The following HHIPL1 variants were observed in gnomAD, a reference collection of about 807,000 sequenced individuals.
The protein encoded by HHIPL1 is HHIP like 1, also known as HHIP-like protein 1.
HHIPL1 carries 43 observed loss-of-function variants against 61.8 expected under a neutral mutation model. That is an observed-to-expected ratio of 0.70 (90% confidence interval 0.55 to 0.90). The LOEUF (loss-of-function observed/expected upper bound fraction) is 0.90, where lower values mean the gene tolerates loss of function less well. Ranked by LOEUF, HHIPL1 falls within the 40% of genes least tolerant of loss-of-function variation. The pLI is 0.00. For synonymous variants in HHIPL1, 482 were observed against 515.8 expected, an observed-to-expected ratio of 0.93 and a Z score of 0.89; for missense variants, 1,056 against 1,157.7, an observed-to-expected ratio of 0.91 and a Z score of 1.28.
At chr14:99,666,573 T>G (rs1017942297) in intron 6 of HHIPL1, among the ~76,000 whole-genome samples, 2 of 152,206 alleles carry the variant, frequency 1.3e-5, no homozygotes, top group Non-Finnish European at 2.9e-5. Flanking sequence ...AGTGGGGCCT[T>G]AAGGTCGGTT....
At chr14:99,615,889 G>A in the HHIPL1 span, among the ~76,000 whole-genome samples, 1 of 152,172 alleles carries the variant, frequency 6.6e-6, no homozygotes, top group Non-Finnish European at 1.5e-5. Flanking sequence ...GCTGTTTGGA[G>A]AGGAATATTA....
chr14:99,616,444 T>C, the HHIPL1 span, among the ~76,000 whole-genome samples: 1 of 152,198 alleles, frequency 6.6e-6, no homozygotes, highest in East Asian at 1.9e-4. Context: ...GGGAGGGGAT[T>C]GGCCTGTGTG....
rs2056333094 is a variant in HHIPL1, at chr14:99,672,234, A to T, written c.1731-83A>T. The stretch of plus-strand genomic sequence containing the variant: ...CCGCCTGTTACTATCGTTGCTGTTC[A>T]TACCTGCCTCACTGTAGAGAAAAGG... On this transcript the variant is annotated intron_variant, in intron 7 of 8. Transcript: ENST00000330710. 49 of 1,061,908 alleles carry T rather than the reference A, an allele frequency of 4.6e-5. No homozygotes were observed. In the South Asian group the frequency reaches 4.8e-4, roughly 10 times the overall value. The allele number at this position is 1,061,908 out of a possible 1,614,324, so 65.8% of individuals were successfully genotyped here. A position where few individuals can be genotyped will look rare whatever the true frequency, so the allele number is the denominator to read the frequency against.
chr14:99,665,516 C>T (rs943835827), intron 6 of HHIPL1, among the ~76,000 whole-genome samples: 14 of 152,364 alleles, frequency 9.2e-5, no homozygotes, highest in Admixed American at 3.9e-4. Context: ...TCATGGCTTA[C>T]TGCAGCCTCC....
chr14:99,657,241 T>C (rs2140069581), intron 3 of HHIPL1, 98 bp downstream of exon 3: 3 of 1,392,184 alleles, frequency 2.2e-6, no homozygotes, highest in Non-Finnish European at 2.0e-6. Context: ...CCAGGCATTG[T>C]AGGGCAGGAG....
upstream of HHIPL1, among the ~76,000 whole-genome samples, chr14:99,640,468 C>G (rs1187782667): frequency 6.6e-6 from 1 of 151,744 alleles, no homozygotes; most frequent in Non-Finnish European, 1.5e-5. Context: ...TATTTTTTGT[C>G]GAGACAGGGC....
chr14:99,632,071 C>T, the HHIPL1 span, among the ~76,000 whole-genome samples: 1 of 152,164 alleles, frequency 6.6e-6, no homozygotes, highest in Non-Finnish European at 1.5e-5. Flanking sequence ...TAGCATCTGG[C>T]CCATCTACCA....
At chr14:99,623,037 G>C in the HHIPL1 span, among the ~76,000 whole-genome samples, 6 of 152,256 alleles carry the variant, frequency 3.9e-5, no homozygotes, top group Non-Finnish European at 7.3e-5. Context: ...TGACTGGGGA[G>C]CTGGGAAGGT....
chr14:99,620,133 A>G, the HHIPL1 span, among the ~76,000 whole-genome samples: 590 of 152,248 alleles, frequency 3.9e-3, 3 homozygotes, highest in African/African-American at 0.013. Context: ...ACTCAATGCC[A>G]TCTTTCTTGG....
chr14:99,660,407 G>T lies in HHIPL1; in HGVS notation c.1502+1G>T. On this transcript the variant is annotated splice_donor_variant, in intron 5 of 8. Coordinates refer to ENST00000330710, the MANE Select transcript of HHIPL1 (RefSeq NM_001127258.3). LOFTEE classifies it high-confidence loss of function. This position sits in a 1 kb window ranked among gnomAD's most constrained non-coding sequence, Gnocchi z 4.9. Reference sequence around the variant, plus strand: ...ACATTTTTGGGGATTTCATGAGCGGGTAAGTGACCTAGTGCCCTCGCGCCC... The same window carrying T: ...ACATTTTTGGGGATTTCATGAGCGGTTAAGTGACCTAGTGCCCTCGCGCCC... The T allele has an allele frequency of 6.2e-7, 1 of 1,612,310 alleles. No homozygotes were observed. Among genetic ancestry groups the T allele is most frequent in the Non-Finnish European group, 8.5e-7 (1 of 1,178,770 alleles).
At chr14:99,650,547 G>T (rs576824407) in intron 1 of HHIPL1, among the ~76,000 whole-genome samples, 1 of 152,362 alleles carries the variant, frequency 6.6e-6, no homozygotes, top group African/African-American at 2.4e-5. Flanking sequence ...TGGCGTTGGG[G>T]ATGGGTAGTT....
chr14:99,645,854 C>T (rs985580526), intron 1 of HHIPL1, among the ~76,000 whole-genome samples: 4 of 152,188 alleles, frequency 2.6e-5, no homozygotes, highest in Non-Finnish European at 2.9e-5. Flanking sequence ...GCATCTGTCC[C>T]GGTCAGTGCT....
chr14:99,617,485 A>G, the HHIPL1 span, among the ~76,000 whole-genome samples: 5 of 152,224 alleles, frequency 3.3e-5, no homozygotes, highest in Non-Finnish European at 7.3e-5. Context: ...AAAGCCAGAA[A>G]GAACAACTAA....
At chr14:99,605,440 A>T in the HHIPL1 span, among the ~76,000 whole-genome samples, 1 of 151,254 alleles carries the variant, frequency 6.6e-6, no homozygotes, top group Non-Finnish European at 1.5e-5. Flanking sequence ...CGCGCACGCG[A>T]CAGTGAGCGG....
Position 99,660,331 on chromosome 14 carries a change from C to G in HHIPL1, c.1427C>G (p.Thr476Arg), listed in dbSNP as rs1329988743. Reference sequence around the variant, plus strand: ...CCGCACACGGTTGGCAAGTCGGTCACAGGGGGCTACGTGTACCGGGGCTGC... The same window carrying G: ...CCGCACACGGTTGGCAAGTCGGTCAGAGGGGGCTACGTGTACCGGGGCTGC... Reference protein sequence around the residue: ...AYPHTVGKSVTGGYVYRGCEY... With the variant: ...AYPHTVGKSVRGGYVYRGCEY... The change falls in exon 5 of 9, where the codon ACA (threonine) becomes AGA (arginine). Residue 476 changes from threonine (T) to arginine (R), a missense_variant. Physicochemically the swap from Thr to Arg is moderately conservative, Grantham distance 71 (BLOSUM62 -1). Coordinates refer to ENST00000330710, the MANE Select transcript of HHIPL1 (RefSeq NM_001127258.3). This position sits in a 1 kb window ranked among gnomAD's most constrained non-coding sequence, Gnocchi z 4.9. 1.2e-6 allele frequency: 2 copies of G among 1,614,032 alleles called. No homozygotes were observed. The highest frequency in any genetic ancestry group is 1.7e-6 in the Non-Finnish European group (2 of 1,180,016).
chr14:99,606,356 C>A, the HHIPL1 span, among the ~76,000 whole-genome samples: 1 of 152,168 alleles, frequency 6.6e-6, no homozygotes, highest in Non-Finnish European at 1.5e-5. Context: ...CTGTCTCAAC[C>A]CCCAGGAAGC....
the HHIPL1 span, among the ~76,000 whole-genome samples, chr14:99,624,375 C>A: frequency 9.2e-5 from 14 of 152,202 alleles, no homozygotes; most frequent in Non-Finnish European, 1.9e-4. Context: ...GCAGCACTGA[C>A]CCCACAGGGT....
chr14:99,641,710 G>A (rs905038182), upstream of HHIPL1, among the ~76,000 whole-genome samples: 8 of 151,850 alleles, frequency 5.3e-5, no homozygotes, highest in African/African-American at 1.5e-4. Flanking sequence ...CACCGTGCCC[G>A]GCCTGCTTGC....
chr14:99,655,848 G>A (rs1222381227), intron 2 of HHIPL1, among the ~76,000 whole-genome samples: 1 of 152,216 alleles, frequency 6.6e-6, no homozygotes, highest in Admixed American at 6.5e-5. Context: ...AGTCCTTTGT[G>A]CTGTGGACTT....
Sources: gnomAD v4.1 joint callset for allele counts (sites outside exome capture counted in the v4.1 genomes callset) on GRCh38, gnomAD v4.1.1 for gene constraint, Gnocchi (gnomAD v3.1) non-coding constraint, MANE v1.5 for transcripts, NCBI Gene and HGNC (gene_info 2026-07-23, HGNC 2026-07-21) for gene names.